Variants in PACRG observed in about 807,000 individuals in gnomAD.
PACRG encodes parkin coregulated.
Under a neutral mutation model 29.7 loss-of-function variants are expected in PACRG, and 29 were observed. That is an observed-to-expected ratio of 0.98 (90% CI 0.73 to 1.33). The LOEUF is 1.33. PACRG is among the 40% of genes most tolerant of loss of function. The probability of loss-of-function intolerance (pLI) is 0.00; values close to 1 mark genes in which losing one functional copy is unlikely to be tolerated. For synonymous variants in PACRG, 116 were observed against 118.7 expected, an observed-to-expected ratio of 0.98 and a Z score of 0.15; for missense variants, 279 against 316.2, an observed-to-expected ratio of 0.88 and a Z score of 0.89.
chr6:163,131,341 GA>G (rs1242169857), intron 4 of PACRG, among the ~76,000 whole-genome samples: 102 of 148,366 alleles, frequency 6.9e-4, no homozygotes, highest in African/African-American at 2.5e-3. Flanking sequence ...AAAAAAAGAA[GA>G]AGAGAAGTTA....
At chr6:162,793,177 C>G (rs1012898450) in intron 1 of PACRG, among the ~76,000 whole-genome samples, 2 of 152,164 alleles carry the variant, frequency 1.3e-5, no homozygotes, top group African/African-American at 4.8e-5. Context: ...TTCACTCATT[C>G]TACTTATTCA....
At chr6:163,115,300 C>T (rs79588384) in intron 4 of PACRG, among the ~76,000 whole-genome samples, 1,817 of 152,032 alleles carry the variant, frequency 0.012, 42 homozygotes, top group African/African-American at 0.042. Flanking sequence ...CTGGGGGCAT[C>T]GGGGAAGGCT....
chr6:162,878,670 G>A (rs1001288461), intron 2 of PACRG, among the ~76,000 whole-genome samples: 1 of 152,156 alleles, frequency 6.6e-6, no homozygotes, highest in Non-Finnish European at 1.5e-5. Context: ...AATAGTACTA[G>A]GGAAATTTGA....
chr6:163,244,609 C>T (rs992237754), intron 4 of PACRG, among the ~76,000 whole-genome samples: 3 of 152,126 alleles, frequency 2.0e-5, no homozygotes, highest in African/African-American at 4.8e-5. Flanking sequence ...ACTCAAGCCC[C>T]GGAGATCAAA....
At chr6:163,008,206 G>A (rs1326503990) in intron 2 of PACRG, among the ~76,000 whole-genome samples, 2 of 151,928 alleles carry the variant, frequency 1.3e-5, no homozygotes, top group Non-Finnish European at 2.9e-5. Flanking sequence ...TCTCTCTCAC[G>A]CACACACTAA....
chr6:163,020,539 A>C (rs561378107), intron 2 of PACRG, among the ~76,000 whole-genome samples: 1 of 152,224 alleles, frequency 6.6e-6, no homozygotes, highest in South Asian at 2.1e-4. Flanking sequence ...AGGGACCCAG[A>C]CCGGTTTGAG....
At chr6:163,143,269 C>T (rs904975737) in intron 4 of PACRG, among the ~76,000 whole-genome samples, 2 of 152,220 alleles carry the variant, frequency 1.3e-5, no homozygotes, top group East Asian at 3.9e-4. Context: ...TAAAACACCT[C>T]AACAGCTACT....
chr6:162,814,455 C>T (rs1392979958), intron 2 of PACRG, 174 bp downstream of exon 2: 4 of 686,570 alleles, frequency 5.8e-6, no homozygotes, highest in Non-Finnish European at 9.1e-6. Context: ...CCTTGACTAA[C>T]AATTAAATTA....
intron 4 of PACRG, among the ~76,000 whole-genome samples, chr6:163,272,538 A>G (rs965283446): frequency 6.6e-6 from 1 of 152,162 alleles, no homozygotes; most frequent in African/African-American, 2.4e-5. Context: ...AGCACTGTGT[A>G]ATTCTTGTAA....
chr6:162,876,151 A>G (rs1416145507), intron 2 of PACRG, among the ~76,000 whole-genome samples: 2 of 152,138 alleles, frequency 1.3e-5, no homozygotes, highest in East Asian at 1.9e-4. Flanking sequence ...CATGGTCACC[A>G]TCATAGGGGG....
intron 2 of PACRG, among the ~76,000 whole-genome samples, chr6:163,007,579 C>CT (rs1262121228): frequency 6.6e-6 from 1 of 152,140 alleles, no homozygotes; most frequent in African/African-American, 2.4e-5. Flanking sequence ...CCCCTTTTTG[C>CT]TATACTGACT....
intron 2 of PACRG, among the ~76,000 whole-genome samples, chr6:163,018,702 A>C (rs1042051052): frequency 1.3e-5 from 2 of 152,198 alleles, no homozygotes; most frequent in African/African-American, 4.8e-5. Context: ...TTTCAGGATT[A>C]AATTCTCCAG....
At chr6:163,257,698 T>C (rs1322143786) in intron 4 of PACRG, among the ~76,000 whole-genome samples, 1 of 152,252 alleles carries the variant, frequency 6.6e-6, no homozygotes. Context: ...TATGAACAGA[T>C]AGATTGATTG....
intron 4 of PACRG, among the ~76,000 whole-genome samples, chr6:163,303,392 A>G (rs569533093): frequency 1.6e-4 from 24 of 152,336 alleles, no homozygotes; most frequent in African/African-American, 5.5e-4. Flanking sequence ...AAAAAAAATC[A>G]GAGCTGAAAA....
chr6:162,989,998 T>C (rs978148203), intron 2 of PACRG, among the ~76,000 whole-genome samples: 3 of 151,006 alleles, frequency 2.0e-5, no homozygotes, highest in African/African-American at 4.8e-5. Context: ...GTTTGGTTTT[T>C]TGTTCTTGCG....
intron 1 of PACRG, among the ~76,000 whole-genome samples, chr6:162,800,667 T>A (rs1167904878): frequency 6.6e-6 from 1 of 152,192 alleles, no homozygotes; most frequent in Non-Finnish European, 1.5e-5. Flanking sequence ...CCATAGCCTG[T>A]TTGAATTTCA....
chr6:162,939,330 G>A (rs922299599), intron 2 of PACRG, among the ~76,000 whole-genome samples: 4 of 152,128 alleles, frequency 2.6e-5, no homozygotes, highest in African/African-American at 9.7e-5. Context: ...AAACCCTTCT[G>A]ACATTGACCT....
chr6:162,973,892 G>C (rs950760799), intron 2 of PACRG, among the ~76,000 whole-genome samples: 1 of 152,136 alleles, frequency 6.6e-6, no homozygotes, highest in Non-Finnish European at 1.5e-5. Context: ...GCTTCTTACT[G>C]TCAGGAGAGA....
intron 4 of PACRG, among the ~76,000 whole-genome samples, chr6:163,176,900 A>G (rs1459043124): frequency 6.6e-6 from 1 of 152,234 alleles, no homozygotes; most frequent in East Asian, 1.9e-4. Flanking sequence ...AAGCCCAGGA[A>G]TCTGGGACAG....
Sources: allele counts gnomAD v4.1 joint callset (sites outside exome capture counted in the v4.1 genomes callset), GRCh38; gene constraint gnomAD v4.1.1; transcripts MANE v1.5; gene names NCBI Gene and HGNC (gene_info 2026-07-23, HGNC 2026-07-21).